The following BCKDHB variants were observed in gnomAD, a reference collection of about 807,000 sequenced individuals.
BCKDHB encodes 2-oxoisovalerate dehydrogenase subunit beta, mitochondrial.
In BCKDHB, 41 loss-of-function variants were observed where a neutral mutation model predicts 48.5. The ratio of observed to expected loss-of-function variants is 0.85; its 90% CI spans 0.66 to 1.10. The LOEUF is 1.10. BCKDHB is among the 50% of genes least tolerant of loss of function. The pLI, the probability that BCKDHB is intolerant of heterozygous loss-of-function variation, is 0.00. For missense variants in BCKDHB, 496 were observed against 494.2 expected, an observed-to-expected ratio of 1.00 and a Z score of -0.03; for synonymous variants, 201 against 174.8, an observed-to-expected ratio of 1.15 and a Z score of -1.18.
the BCKDHB span, among the ~76,000 whole-genome samples, chr6:80,384,531 G>T: frequency 6.6e-6 from 1 of 151,946 alleles, no homozygotes; most frequent in East Asian, 1.9e-4. Flanking sequence ...GCTAACTTTT[G>T]TATTTTTAAT....
rs532055865 is a variant in BCKDHB at position 80,316,545 on chromosome 6, T to A, written c.1039-27119T>A. 1.1e-4 allele frequency among the ~76,000 whole-genome samples: 17 copies of A among 152,340 alleles called. No individual in the cohort carries two copies. In the South Asian group the frequency reaches 3.3e-3, roughly 30 times the overall value. On this transcript the variant is annotated intron_variant, in intron 9 of 9. Transcript: ENST00000320393. The stretch of plus-strand genomic sequence containing the variant: ...AATATTAGCAAATATGTTTATGATA[T>A]CCATTCTTTATTTAACCTTACTCTT...
At position 80,106,700 on chromosome 6, in the gene BCKDHB, G is replaced by A; in HGVS notation, c.7G>A (p.Val3Ile). Residue 3 changes from valine to isoleucine, a missense_variant, in exon 1 of 10, where the codon GTT becomes ATT. Coordinates refer to ENST00000320393, the MANE Select transcript of BCKDHB (RefSeq NM_183050.4). The stretch of plus-strand genomic sequence containing the variant: ...ATCCCGGTGGTGAGCGGGGATGGCG[G>A]TTGTAGCGGCGGCTGCCGGCTGGCT... The part of the protein sequence containing the change: MA[V>I]VAAAAGWLLR... 1 of 1,556,626 alleles carries A rather than the reference G, an allele frequency of 6.4e-7. No homozygotes were observed. Among genetic ancestry groups the A allele is most frequent in the Non-Finnish European group, 8.7e-7 (1 of 1,150,868 alleles).
intron 9 of BCKDHB, among the ~76,000 whole-genome samples, chr6:80,309,199 G>C (rs1479079503): frequency 6.6e-6 from 1 of 151,956 alleles, no homozygotes; most frequent in Admixed American, 6.6e-5. Context: ...GAATAGCTGG[G>C]ATTACAGGCA....
intron 9 of BCKDHB, among the ~76,000 whole-genome samples, chr6:80,296,086 C>A (rs911678334): frequency 6.6e-6 from 1 of 152,166 alleles, no homozygotes. Flanking sequence ...TCAGTTCATG[C>A]AGTTAACTCC....
At chr6:80,267,038 C>G (rs543093060) in intron 8 of BCKDHB, among the ~76,000 whole-genome samples, 2 of 151,928 alleles carry the variant, frequency 1.3e-5, no homozygotes, top group Non-Finnish European at 2.9e-5. Context: ...AACAAAGATA[C>G]TTAGGTCCTT....
intron 9 of BCKDHB, among the ~76,000 whole-genome samples, chr6:80,330,600 A>G (rs1288778979): frequency 6.6e-6 from 1 of 152,184 alleles, no homozygotes; most frequent in Non-Finnish European, 1.5e-5. Context: ...CAGTGAAGAC[A>G]AAGCTGGCAA....
At chr6:80,406,972 G>A in the BCKDHB span, among the ~76,000 whole-genome samples, 1 of 152,016 alleles carries the variant, frequency 6.6e-6, no homozygotes, top group African/African-American at 2.4e-5. Context: ...TTCCTTCTAG[G>A]GTTTTTATGG....
At chr6:80,294,382 G>C (rs1479336104) in intron 9 of BCKDHB, among the ~76,000 whole-genome samples, 1 of 152,166 alleles carries the variant, frequency 6.6e-6, no homozygotes, top group Non-Finnish European at 1.5e-5. Context: ...TGAACAATAT[G>C]AAATCAGTGC....
At chr6:80,339,306 G>T (rs1769773162) in intron 9 of BCKDHB, among the ~76,000 whole-genome samples, 1 of 152,120 alleles carries the variant, frequency 6.6e-6, no homozygotes, top group African/African-American at 2.4e-5. Context: ...AAACCGTAAT[G>T]GATCTTATTC....
chr6:80,357,965 T>C, the BCKDHB span, among the ~76,000 whole-genome samples: 1 of 152,244 alleles, frequency 6.6e-6, no homozygotes, highest in African/African-American at 2.4e-5. Flanking sequence ...AAGCTAATTT[T>C]CTGAGACCAT....
chr6:80,426,457 A>C, the BCKDHB span, among the ~76,000 whole-genome samples: 1 of 152,092 alleles, frequency 6.6e-6, no homozygotes, highest in Non-Finnish European at 1.5e-5. Context: ...ATAATCATAC[A>C]ATGCTATAAA....
At chr6:80,238,054 C>G (rs920334915) in intron 8 of BCKDHB, among the ~76,000 whole-genome samples, 1 of 152,136 alleles carries the variant, frequency 6.6e-6, no homozygotes, top group African/African-American at 2.4e-5. Context: ...CTCCCTCCTT[C>G]GCTTCCTTCC....
rs574697188 is a variant in BCKDHB, at chr6:80,266,176, CA to C, written c.952-6956del. ...CATGGAAGTCAACAGTATTAATAGC[CA>C]AATCACATGTTACAATTTCTTTTCT... On this transcript the variant is annotated intron_variant, in intron 8 of 9. Coordinates refer to ENST00000320393, the MANE Select transcript of BCKDHB (RefSeq NM_183050.4). Among the ~76,000 whole-genome samples, 469 of 152,098 alleles carry C rather than the reference CA, an allele frequency of 3.1e-3. 7 individuals carry two copies. Among genetic ancestry groups the C allele is most frequent in the Admixed American group, 0.026 (402 of 15,254 alleles).
chr6:80,439,735 A>T, the BCKDHB span, among the ~76,000 whole-genome samples: 6 of 152,200 alleles, frequency 3.9e-5, no homozygotes, highest in Non-Finnish European at 8.8e-5. Flanking sequence ...AATGCACCAA[A>T]TGTATGCTCT....
At chr6:80,208,843 T>C (rs1474997926) in intron 8 of BCKDHB, among the ~76,000 whole-genome samples, 1 of 151,832 alleles carries the variant, frequency 6.6e-6, no homozygotes, top group African/African-American at 2.4e-5. Context: ...TTCTCTAAAA[T>C]GTAGTCCTTA....
At chr6:80,316,657 T>C (rs1251338655) in intron 9 of BCKDHB, among the ~76,000 whole-genome samples, 4 of 152,196 alleles carry the variant, frequency 2.6e-5, no homozygotes, top group African/African-American at 7.2e-5. Context: ...TCTTGTGACT[T>C]CTGTTTTCTT....
intron 4 of BCKDHB, 143 bp from the exon 5 acceptor site, chr6:80,168,732 G>T (rs947966501): frequency 5.6e-6 from 5 of 891,928 alleles, no homozygotes; most frequent in South Asian, 1.4e-5. Context: ...GGAAGGAAGA[G>T]GGGGAGGGAG....
At chr6:80,225,099 T>C (rs908582011) in intron 8 of BCKDHB, among the ~76,000 whole-genome samples, 3 of 152,214 alleles carry the variant, frequency 2.0e-5, no homozygotes, top group African/African-American at 7.2e-5. Flanking sequence ...CTCTTATATC[T>C]AGGTTAAGCA....
chr6:80,212,730 T>A (rs1191339961), intron 8 of BCKDHB, among the ~76,000 whole-genome samples: 3 of 152,234 alleles, frequency 2.0e-5, no homozygotes, highest in Non-Finnish European at 4.4e-5. Context: ...TCACAATTTA[T>A]GTTCCTGTGC....
Sources: allele counts gnomAD v4.1 joint callset (sites outside exome capture counted in the v4.1 genomes callset), GRCh38; gene constraint gnomAD v4.1.1; transcripts MANE v1.5; gene names NCBI Gene and HGNC (gene_info 2026-07-23, HGNC 2026-07-21).